FANCI: variants seen among roughly 807,000 people sequenced by gnomAD.
FANCI encodes the protein Fanconi anemia group I protein.
FANCI carries 156 observed loss-of-function variants against 176.1 expected under a neutral mutation model. The observed-to-expected ratio is 0.89, with a 90% CI of 0.78 to 1.01. The LOEUF is 1.01. Among genes scored for constraint, FANCI ranks in the 50% least tolerant of loss-of-function variants. The pLI is 0.00. For missense variants in FANCI, 1,678 were observed against 1,534.1 expected, an observed-to-expected ratio of 1.09 and a Z score of -1.57; for synonymous variants, 613 against 541.7, an observed-to-expected ratio of 1.13 and a Z score of -1.83.
intron 22 of FANCI, 114 bp downstream of exon 22, chr15:89,293,177 T>C: frequency 2.6e-6 from 3 of 1,146,158 alleles, no homozygotes; most frequent in Non-Finnish European, 3.8e-6. Flanking sequence ...TGACACTGTC[T>C]CTTAAATGAG....
chr15:89,295,027 G>A lies in FANCI; in HGVS notation c.2569G>A (p.Gly857Arg). 6.4e-7 allele frequency: 1 copy of A among 1,552,254 alleles called. No individual in the cohort carries two copies. The highest frequency in any genetic ancestry group is 1.2e-5 in the South Asian group (1 of 84,052). ...LQKVQQLKET[G>R]HVSGPDGQNP... ...GAAAGTACAGCAGCTAAAGGAAACA[G>A]GGCATGTGAGTGGCCCTGATGGCCA... is the stretch of plus-strand genomic sequence containing the variant. Residue 857 changes from glycine to arginine, a missense_variant, in exon 24 of 38, where the codon GGG (glycine) becomes AGG (arginine). By Grantham distance (125) the Gly-to-Arg change is moderately radical. This residue lies in a region of FANCI where 1,204 missense variants were observed against 1,077.4 expected (regional missense o/e 1.12). Transcript: ENST00000310775.
chr15:89,270,095 G>A (rs535103306), intron 10 of FANCI, among the ~76,000 whole-genome samples: 103 of 152,114 alleles, frequency 6.8e-4, no homozygotes, highest in Non-Finnish European at 1.1e-3. Flanking sequence ...ACAGGCGTGA[G>A]CCACTGCACT....
chr15:89,283,362 TAA>T, intron 17 of FANCI, 112 bp downstream of exon 17: 1 of 1,498,924 alleles, frequency 6.7e-7, no homozygotes, highest in South Asian at 1.2e-5. Context: ...ATCCTAGAAC[TAA>T]AGAGTCTGAT....
chr15:89,250,986 T>G (rs2052222812), intron 2 of FANCI, among the ~76,000 whole-genome samples: 1 of 150,788 alleles, frequency 6.6e-6, no homozygotes. Flanking sequence ...AAGTGGAAAT[T>G]AATAAAGTAG....
intron 34 of FANCI, among the ~76,000 whole-genome samples, chr15:89,310,397 T>C (rs1476802694): frequency 1.3e-5 from 2 of 152,244 alleles, no homozygotes; most frequent in Non-Finnish European, 2.9e-5. Flanking sequence ...GTTTTGATTT[T>C]CGTGTTTCTG....
chr15:89,304,059 T>C (rs2054622292), intron 28 of FANCI, 144 bp downstream of exon 28: 2 of 776,440 alleles, frequency 2.6e-6, no homozygotes, highest in East Asian at 5.3e-5. Flanking sequence ...CCAAGTCGAA[T>C]TGTTGGCAAG....
chr15:89,266,706 T>C (rs1303959203), intron 9 of FANCI, among the ~76,000 whole-genome samples: 1 of 150,572 alleles, frequency 6.6e-6, no homozygotes, highest in Non-Finnish European at 1.5e-5. Context: ...ACTCCTAGCT[T>C]CAGGCGATCT....
chr15:89,271,055 G>A (rs1238638893), intron 10 of FANCI, among the ~76,000 whole-genome samples: 1 of 151,708 alleles, frequency 6.6e-6, no homozygotes, highest in Non-Finnish European at 1.5e-5. Flanking sequence ...CCAGTCTGTT[G>A]TTTTCTTTTT....
intron 27 of FANCI, among the ~76,000 whole-genome samples, chr15:89,302,805 C>T (rs559787558): frequency 2.0e-5 from 3 of 152,250 alleles, no homozygotes; most frequent in South Asian, 2.1e-4. Flanking sequence ...GATCTCCTGA[C>T]CTCGTGATTC....
intron 35 of FANCI, 142 bp downstream of exon 35, chr15:89,313,114 A>C: frequency 1.2e-6 from 1 of 833,116 alleles, no homozygotes; most frequent in Non-Finnish European, 2.0e-6. Context: ...TAAAAAGGCA[A>C]ACTAGATTAG....
chr15:89,292,963 CAG>C lies in FANCI; in HGVS notation c.2194_2195del (p.Ser732HisfsTer8). The C allele has an allele frequency of 6.2e-7, 1 of 1,614,064 alleles. No individual in the cohort carries two copies. Among genetic ancestry groups the C allele is most frequent in the Non-Finnish European group, 8.5e-7 (1 of 1,180,016 alleles). ...TTAGGATAAATCAGCAGATTTTTCT[CAG>C]AGCACCAGTATTGGCATAAAAAATA... The part of the protein sequence containing the change: ...FELDKSADFS[Q>X]STSIGIKNNI... On this transcript the variant is annotated frameshift_variant, in exon 22 of 38. Coordinates refer to ENST00000310775, the MANE Select transcript of FANCI (RefSeq NM_001113378.2). LOFTEE classifies it high-confidence loss of function.
Position 89,316,583 on chromosome 15 carries a change from C to A in FANCI, c.*124C>A. 2 of 1,127,384 alleles carry A rather than the reference C, an allele frequency of 1.8e-6. No individual in the cohort carries two copies. Among genetic ancestry groups the A allele is most frequent in the Non-Finnish European group, 2.6e-6 (2 of 757,242 alleles). 69.8% of individuals were successfully genotyped at this position (1,127,384 alleles called of 1,614,324 possible). A position where few individuals can be genotyped will look rare whatever the true frequency, so the allele number is the denominator to read the frequency against. On this transcript the variant is annotated 3_prime_UTR_variant, in exon 38 of 38. Coordinates refer to ENST00000310775, the MANE Select transcript of FANCI (RefSeq NM_001113378.2). ...ATCTTGGTTCTGAACCCACTGAATT[C>A]AACTGCACCTTCAGTTAGAAGGAAT...
chr15:89,294,122 C>T (rs904955022), intron 23 of FANCI, 125 bp downstream of exon 23: 1 of 1,132,998 alleles, frequency 8.8e-7, no homozygotes, highest in Admixed American at 1.9e-5. Context: ...TTTTATTTTT[C>T]TTGAAATAAA....
chr15:89,307,437 T>C (rs975198191), intron 32 of FANCI, 39 bp from the exon 33 acceptor site: 1 of 1,590,910 alleles, frequency 6.3e-7, no homozygotes, highest in Non-Finnish European at 8.6e-7. Context: ...TGTAGTTTCA[T>C]AGGACAGTCT....
At position 89,285,265 on chromosome 15, in the gene FANCI, T is replaced by C. The variant is rs766993516; in HGVS notation, c.1821+47T>C. On this transcript the variant is annotated intron_variant, in intron 18 of 37. Coordinates refer to ENST00000310775, the MANE Select transcript of FANCI (RefSeq NM_001113378.2). The stretch of plus-strand genomic sequence containing the variant: ...AATGTAGCAAAACCCCAACTAATAA[T>C]TTTTATTTTAGTAATTTTTTTCCTG... 1,041 of 1,588,370 alleles carry C rather than the reference T, an allele frequency of 6.6e-4. 13 individuals carry two copies. The highest frequency in any genetic ancestry group is 2.0e-4 in the Admixed American group (12 of 58,558).
intron 13 of FANCI, among the ~76,000 whole-genome samples, chr15:89,277,146 T>C (rs1317587603): frequency 6.6e-6 from 1 of 152,230 alleles, no homozygotes; most frequent in Non-Finnish European, 1.5e-5. Context: ...AGTTTGAATA[T>C]AAGACAGCTT....
chr15:89,282,364 G>C, intron 16 of FANCI: 3 of 164,242 alleles, frequency 1.8e-5, no homozygotes, highest in Admixed American at 1.1e-4. Flanking sequence ...ATTGTTGAGG[G>C]GAATGAGTTT....
intron 11 of FANCI, 150 bp downstream of exon 11, chr15:89,273,619 A>G (rs559708641): frequency 6.2e-6 from 4 of 640,236 alleles, no homozygotes; most frequent in East Asian, 5.7e-5. Flanking sequence ...TAAGACATGT[A>G]TGTCCCCTCT....
intron 32 of FANCI, among the ~76,000 whole-genome samples, chr15:89,306,980 A>C (rs1402864181): frequency 6.6e-6 from 1 of 152,208 alleles, no homozygotes; most frequent in Non-Finnish European, 1.5e-5. Context: ...ATTATTTTTT[A>C]TAAAAATACA....
Sources: gnomAD v4.1 joint callset for allele counts (sites outside exome capture counted in the v4.1 genomes callset) on GRCh38, gnomAD v4.1.1 for gene constraint, gnomAD v4.1.1 regional missense constraint, MANE v1.5 for transcripts, NCBI Gene and HGNC (gene_info 2026-07-23, HGNC 2026-07-21) for gene names.